TFR2: variants seen among roughly 807,000 people sequenced by gnomAD.
TFR2 encodes the protein transferrin receptor protein 2.
TFR2 carries 64 observed loss-of-function variants against 91.9 expected under a neutral mutation model. The ratio of observed to expected loss-of-function variants is 0.70; its 90% CI spans 0.57 to 0.86. TFR2 has a LOEUF of 0.86. TFR2 is among the 40% of genes least tolerant of loss of function. The probability of loss-of-function intolerance (pLI) is 0.00; values close to 1 mark genes in which losing one functional copy is unlikely to be tolerated. For missense variants in TFR2, 950 were observed against 1,080.5 expected, an observed-to-expected ratio of 0.88 and a Z score of 1.69; for synonymous variants, 454 against 459.6, an observed-to-expected ratio of 0.99 and a Z score of 0.15.
At chr7:100,633,698 C>CTT (rs397890558) in intron 3 of TFR2, 142 bp from the exon 4 acceptor site, 65 of 215,888 alleles carry the variant, frequency 3.0e-4, no homozygotes, top group South Asian at 8.7e-4. Flanking sequence ...CCCGCGGACG[C>CTT]TTTTTTTTTT....
intron 8 of TFR2, 89 bp from the exon 9 acceptor site, chr7:100,631,141 C>A (rs1363802819): frequency 1.0e-5 from 14 of 1,385,162 alleles, no homozygotes; most frequent in Non-Finnish European, 1.3e-5. Flanking sequence ...TCCCTCCCAC[C>A]CTTTCTGGCT....
intron 4 of TFR2, 28 bp downstream of exon 4, chr7:100,633,388 C>T: frequency 6.2e-7 from 1 of 1,606,454 alleles, no homozygotes; most frequent in East Asian, 2.2e-5. Context: ...CCCCTCCCCG[C>T]GCGCCCCCCG....
At chr7:100,624,718 T>C (rs1803205171) in intron 17 of TFR2, among the ~76,000 whole-genome samples, 1 of 151,964 alleles carries the variant, frequency 6.6e-6, no homozygotes, top group Non-Finnish European at 1.5e-5. Flanking sequence ...ATTTTAAAAA[T>C]TAGCGGAGTG....
In TFR2 at chr7:100,626,806, C is replaced by G. The variant is rs772745815; in HGVS notation, c.2093G>C (p.Arg698Thr). Residue 698 changes from arginine (R) to threonine (T), a missense_variant, in exon 17 of 18, where the codon AGA (arginine) becomes ACA (threonine). Arg to Thr is a moderately conservative substitution (Grantham distance 71). Transcript: ENST00000223051. ...GTACATGCGTGTCAGTCGCTCGTCT[C>G]TCTCCTCCGAGCTGTAGATCTCCTG... ...LRQEIYSSEE[R>T]DERLTRMYNV... is the part of the protein sequence containing the mutation. 4 of 1,548,900 alleles carry G rather than the reference C, an allele frequency of 2.6e-6. 1 individual carries two copies. The highest frequency in any genetic ancestry group is 2.4e-5 in the South Asian group (2 of 84,058).
chr7:100,634,020 A>G (rs1803525226), intron 3 of TFR2, among the ~76,000 whole-genome samples: 1 of 151,512 alleles, frequency 6.6e-6, no homozygotes, highest in African/African-American at 2.4e-5. Flanking sequence ...CCGCGGACCC[A>G]TTTTCTCCCA....
chr7:100,621,460 G>C (rs1803110513), intron 17 of TFR2, among the ~76,000 whole-genome samples: 1 of 152,118 alleles, frequency 6.6e-6, no homozygotes, highest in East Asian at 1.9e-4. Context: ...CTCCGTGTTG[G>C]CCAGGCTGGT....
Position 100,620,766 on chromosome 7 carries a change from A to G in TFR2, c.*91T>C, listed in dbSNP as rs1803078644. The G allele has an allele frequency of 6.4e-7, 1 of 1,553,408 alleles. No homozygotes were observed. Among genetic ancestry groups the G allele is most frequent in the Non-Finnish European group, 8.8e-7 (1 of 1,130,806 alleles). On this transcript the variant is annotated 3_prime_UTR_variant, in exon 18 of 18. Transcript: ENST00000223051. ...GAAATTGATCAGCAATGAGAGGTGG[A>G]CTCTGAGCCACCTCCCTGACCCTGA...
At chr7:100,629,468 C>T (rs570000600) in intron 9 of TFR2, 96 bp from the exon 10 acceptor site, 22 of 1,591,964 alleles carry the variant, frequency 1.4e-5, no homozygotes, top group East Asian at 2.3e-5. Flanking sequence ...ATCACAATTC[C>T]GGCAACCCTA....
chr7:100,632,739 T>C (rs1250588367), intron 6 of TFR2: 9 of 29,398 alleles, frequency 3.1e-4, no homozygotes, highest in South Asian at 6.9e-4. Flanking sequence ...AAAAAGAACC[T>C]TTTTTTTTTT....
In TFR2 at chr7:100,626,898, G is replaced by C; in HGVS notation, c.2001C>G (p.Arg667=). 6.5e-7 allele frequency: 1 copy of C among 1,539,910 alleles called. No homozygotes were observed. ...AGTACACCCACTGCAGGGTCAGCCCGCGGGCCTGGGGTGGGGAGGCGCGGG... is the reference window on the plus strand; with the variant it reads ...AGTACACCCACTGCAGGGTCAGCCCCCGGGCCTGGGGTGGGGAGGCGCGGG... ...LNEFSGDLKA[R]GLTLQWVYSA... The change falls in exon 17 of 18, where the codon CGC becomes CGG. Residue 667 remains arginine (R), a synonymous_variant. Transcript: ENST00000223051.
intron 17 of TFR2, among the ~76,000 whole-genome samples, chr7:100,624,603 C>T (rs530030210): frequency 1.3e-5 from 2 of 152,178 alleles, no homozygotes; most frequent in South Asian, 2.1e-4. Context: ...CAGAGGCTCA[C>T]GCCTGTAATC....
In TFR2 at chr7:100,620,665, C is replaced by T. The variant is rs1053398811; in HGVS notation, c.*192G>A. Reference sequence around the variant, plus strand: ...AGTATGACCGTCACATTAGGGTCAGCTACACTGCAGGGCTGGGGTGTGTGG... The same window carrying T: ...AGTATGACCGTCACATTAGGGTCAGTTACACTGCAGGGCTGGGGTGTGTGG... On this transcript the variant is annotated 3_prime_UTR_variant, in exon 18 of 18. Coordinates refer to ENST00000223051, the MANE Select transcript of TFR2 (RefSeq NM_003227.4). 1 of 694,912 alleles carries T rather than the reference C, an allele frequency of 1.4e-6. No individual in the cohort carries two copies. The allele number at this position is 694,912 out of a possible 1,614,324, so 43.0% of individuals were successfully genotyped here.
At chr7:100,631,636 A>AC (rs1319688042) in intron 8 of TFR2, 170 bp downstream of exon 8, 1 of 800,064 alleles carries the variant, frequency 1.2e-6, no homozygotes, top group East Asian at 3.1e-5. Context: ...AAAAAAAAAA[A>AC]GGTCAGGGTC....
chr7:100,624,948 G>A (rs983487068), intron 17 of TFR2, among the ~76,000 whole-genome samples: 3 of 151,860 alleles, frequency 2.0e-5, no homozygotes, highest in Non-Finnish European at 4.4e-5. Flanking sequence ...CTGGTCTAGA[G>A]CCATAAAATT....
Position 100,628,080 on chromosome 7 carries a change from T to G in TFR2, c.1530A>C (p.Ala510=). 2 of 1,614,120 alleles carry G rather than the reference T, an allele frequency of 1.2e-6. No homozygotes were observed. Among genetic ancestry groups the G allele is most frequent in the Non-Finnish European group, 1.7e-6 (2 of 1,179,992 alleles). ...GGCACTGCCCCAGCTCACCCAGCAC[T>G]GCGTTGTCCAGGCTCACGTACACTA... is the stretch of plus-strand genomic sequence containing the variant. ...KAVVYVSLDN[A]VLGDDKFHAK... Residue 510 remains alanine, a synonymous_variant, in exon 12 of 18, where the codon GCA becomes GCC. Coordinates refer to ENST00000223051, the MANE Select transcript of TFR2 (RefSeq NM_003227.4).
chr7:100,632,718 A>T (rs1203185355), intron 6 of TFR2: 9 of 15,422 alleles, frequency 5.8e-4, no homozygotes, highest in African/African-American at 1.6e-3. Flanking sequence ...CCAGCTAACT[A>T]AAAAAAAAAA....
rs202038214 is a variant in TFR2, at chr7:100,628,277, T to C, written c.1420A>G (p.Ile474Val). 15 of 1,613,146 alleles carry C rather than the reference T, an allele frequency of 9.3e-6. No homozygotes were observed. Among genetic ancestry groups the C allele is most frequent in the Non-Finnish European group, 1.3e-5 (15 of 1,179,710 alleles). Reference protein sequence around the residue: ...GFRPRRSLLFISWDGGDFGSV... With the variant: ...GFRPRRSLLFVSWDGGDFGSV... ...CCAAAGTCACCACCGTCCCAGCTGA[T>C]GAAGAGGAGACTTCTGCGGGGCCGG... is the stretch of plus-strand genomic sequence containing the variant. The change falls in exon 11 of 18, where the codon ATC (isoleucine) becomes GTC (valine). Residue 474 changes from isoleucine (I) to valine (V), a missense_variant. Ile to Val is a conservative substitution (Grantham distance 29). Coordinates refer to ENST00000223051, the MANE Select transcript of TFR2 (RefSeq NM_003227.4).
chr7:100,626,845 G>T lies in TFR2; in HGVS notation c.2054C>A (p.Ala685Glu). Residue 685 changes from alanine to glutamate, a missense_variant, in exon 17 of 18, where the codon GCG (alanine) becomes GAG (glutamate). Ala to Glu is a moderately radical substitution (Grantham distance 107, BLOSUM62 -1). Transcript: ENST00000223051. ...GTAGATCTCCTGCCGCAGCTTTTCCGCCGCCCGGATGTAGTCCCCCCGCGC... is the reference window on the plus strand; with the variant it reads ...GTAGATCTCCTGCCGCAGCTTTTCCTCCGCCCGGATGTAGTCCCCCCGCGC... ...YSARGDYIRAAEKLRQEIYSS... is the reference protein window; with the variant it reads ...YSARGDYIRAEEKLRQEIYSS... The T allele has an allele frequency of 6.5e-7, 1 of 1,549,186 alleles. No homozygotes were observed.
At position 100,620,890 on chromosome 7, in the gene TFR2, G is replaced by T. The variant is rs752321424; in HGVS notation, c.2373C>A (p.Ser791Arg). The change falls in exon 18 of 18, where the codon AGC (serine) becomes AGA (arginine). Residue 791 changes from serine to arginine, a missense_variant. Coordinates refer to ENST00000223051, the MANE Select transcript of TFR2 (RefSeq NM_003227.4). ...WTLQGAANAL[S>R]GDVWNIDNNF The stretch of plus-strand genomic sequence containing the variant: ...TGTTATCAATGTTCCAGACATCCCC[G>T]CTAAGCGCATTGGCTGCCCCTTGCA... The T allele has an allele frequency of 1.9e-6, 3 of 1,614,062 alleles. No individual in the cohort carries two copies. Among genetic ancestry groups the T allele is most frequent in the Non-Finnish European group, 2.5e-6 (3 of 1,179,890 alleles).
Sources: allele counts gnomAD v4.1 joint callset (sites outside exome capture counted in the v4.1 genomes callset), GRCh38; gene constraint gnomAD v4.1.1; transcripts MANE v1.5; gene names NCBI Gene and HGNC (gene_info 2026-07-23, HGNC 2026-07-21).